The following TBCK variants were observed in gnomAD, a reference collection of about 807,000 sequenced individuals.
The protein encoded by TBCK is TBC1 domain containing kinase.
Under a neutral mutation model 113.4 loss-of-function variants are expected in TBCK, and 99 were observed. The observed-to-expected ratio is 0.87, with a 90% CI of 0.74 to 1.03. The LOEUF is 1.03. TBCK is among the 50% of genes least tolerant of loss of function. The pLI is 0.00. For missense variants in TBCK, 1,045 were observed against 1,061.3 expected (o/e 0.98, Z 0.21); for synonymous variants, 369 against 370.8 (o/e 1.00, Z 0.05).
intron 3 of TBCK, among the ~76,000 whole-genome samples, chr4:106,285,657 GAAAAT>G (rs2125805547): frequency 6.6e-6 from 1 of 152,102 alleles, no homozygotes; most frequent in Non-Finnish European, 1.5e-5. Flanking sequence ...CTTATGTTTA[GAAAAT>G]CAACTGCAAA....
chr4:106,078,290 G>A (rs1006630341), intron 25 of TBCK, among the ~76,000 whole-genome samples: 5 of 152,056 alleles, frequency 3.3e-5, no homozygotes, highest in African/African-American at 1.2e-4. Context: ...CAAAATCAGA[G>A]CTGAACTGAA....
chr4:106,195,664 C>T lies in TBCK; in HGVS notation c.1861-910G>A, dbSNP rs186878094. On this transcript the variant is annotated intron_variant, in intron 20 of 25. Transcript: ENST00000394708. ...GGAATGTGCCTCTTCTTTTCTACCT[C>T]ACTGCTTGAGCCGGAACATTTCATC... Among the ~76,000 whole-genome samples, 329 of 152,090 alleles carry T rather than the reference C, an allele frequency of 2.2e-3. 2 individuals carry two copies. The highest frequency in any genetic ancestry group is 6.9e-3 in the African/African-American group (288 of 41,546).
At chr4:106,275,955 C>A (rs1377733322) in intron 3 of TBCK, among the ~76,000 whole-genome samples, 1 of 151,898 alleles carries the variant, frequency 6.6e-6, no homozygotes, top group Non-Finnish European at 1.5e-5. Context: ...CCAAAAATAG[C>A]TAAAGCAATC....
At chr4:106,188,572 C>A (rs896493100) in intron 22 of TBCK, among the ~76,000 whole-genome samples, 2 of 152,048 alleles carry the variant, frequency 1.3e-5, no homozygotes, top group Admixed American at 1.3e-4. Flanking sequence ...AAACCAGAAA[C>A]CCTTATCAAC....
At chr4:106,062,636 G>GT (rs1736178437) in intron 25 of TBCK, among the ~76,000 whole-genome samples, 1 of 151,900 alleles carries the variant, frequency 6.6e-6, no homozygotes, top group African/African-American at 2.4e-5. Flanking sequence ...ACTATGGTTA[G>GT]TTTCTTATTC....
chr4:106,277,903 A>G (rs1169066771), intron 3 of TBCK, among the ~76,000 whole-genome samples: 1 of 152,230 alleles, frequency 6.6e-6, no homozygotes, highest in African/African-American at 2.4e-5. Flanking sequence ...AGTTGTATAC[A>G]TGCTAAACTA....
At chr4:106,300,667 G>C (rs1019413996) in intron 2 of TBCK, among the ~76,000 whole-genome samples, 3 of 152,180 alleles carry the variant, frequency 2.0e-5, no homozygotes, top group Non-Finnish European at 2.9e-5. Flanking sequence ...ATAGAATCCA[G>C]TCATTCAATC....
intron 24 of TBCK, among the ~76,000 whole-genome samples, chr4:106,105,279 GGCTGACTTC>G (rs1742010772): frequency 6.6e-6 from 1 of 152,174 alleles, no homozygotes; most frequent in Non-Finnish European, 1.5e-5. Context: ...CTCCATTTTG[GGCTGACTTC>G]GCTGAGTGAT....
chr4:106,207,537 C>T (rs147063886), intron 20 of TBCK, among the ~76,000 whole-genome samples: 2 of 152,278 alleles, frequency 1.3e-5, no homozygotes, highest in East Asian at 3.9e-4. Flanking sequence ...ATGCTATATA[C>T]ACAAACTAAT....
chr4:106,075,849 G>A (rs1307839230), intron 25 of TBCK, among the ~76,000 whole-genome samples: 1 of 152,162 alleles, frequency 6.6e-6, no homozygotes, highest in Non-Finnish European at 1.5e-5. Context: ...AGCACATACA[G>A]CATAAAAGTT....
chr4:106,120,042 C>T (rs1744069750), intron 23 of TBCK, among the ~76,000 whole-genome samples: 1 of 152,276 alleles, frequency 6.6e-6, no homozygotes, highest in South Asian at 2.1e-4. Flanking sequence ...TTCTGCATTT[C>T]CATCTGAGGT....
At chr4:106,298,840 C>T (rs975850424) in intron 2 of TBCK, among the ~76,000 whole-genome samples, 1 of 152,098 alleles carries the variant, frequency 6.6e-6, no homozygotes, top group Admixed American at 6.5e-5. Flanking sequence ...ATGGAAAAGG[C>T]ATTAAATTTG....
chr4:106,120,705 C>G (rs1214118508), intron 23 of TBCK, among the ~76,000 whole-genome samples: 3 of 152,216 alleles, frequency 2.0e-5, no homozygotes, highest in Admixed American at 6.5e-5. Context: ...AGCAGGGGCA[C>G]ACTGACACCT....
intron 19 of TBCK, among the ~76,000 whole-genome samples, chr4:106,216,950 T>C (rs1351352107): frequency 2.0e-5 from 3 of 152,118 alleles, no homozygotes; most frequent in South Asian, 2.1e-4. Context: ...TTGATGAACA[T>C]TGATGCAAAA....
rs572353272 is a variant in TBCK at position 106,120,331 on chromosome 4, G to A, written c.2236-3953C>T. Among the ~76,000 whole-genome samples, 754 of 152,100 alleles carry A rather than the reference G, an allele frequency of 5.0e-3. 4 individuals carry two copies. Among genetic ancestry groups the A allele is most frequent in the African/African-American group, 0.017 (726 of 41,494 alleles). ...GAGGGTCTTACGCCCACAGAGTCTC[G>A]CTGATTGCTAGCACAGCAGTCTGAG... On this transcript the variant is annotated intron_variant, in intron 23 of 25. Coordinates refer to ENST00000394708, the MANE Select transcript of TBCK (RefSeq NM_001163435.3).
rs1373355865 is a variant in TBCK at position 106,177,962 on chromosome 4, CATG to C, written c.2060-6695_2060-6693del. 5.9e-5 allele frequency among the ~76,000 whole-genome samples: 9 copies of C among 151,896 alleles called. No homozygotes were observed. In the South Asian group the frequency reaches 6.2e-4, roughly 11 times the overall value. ...TATTAATTCTTCTAATCTATAAGCACATGATATCTTTTCATTTTTTATTGCCCT... is the reference window on the plus strand; with the variant it reads ...TATTAATTCTTCTAATCTATAAGCACATATCTTTTCATTTTTTATTGCCCT... On this transcript the variant is annotated intron_variant, in intron 22 of 25. Transcript: ENST00000394708.
intron 3 of TBCK, 52 bp downstream of exon 3, chr4:106,295,042 T>C (rs373092561): frequency 2.0e-6 from 3 of 1,487,948 alleles, no homozygotes; most frequent in African/African-American, 2.8e-5. Flanking sequence ...AAAATGCCTT[T>C]TTGTTTGCCA....
At chr4:106,234,340 C>A (rs1264726192) in intron 15 of TBCK, among the ~76,000 whole-genome samples, 1 of 151,948 alleles carries the variant, frequency 6.6e-6, no homozygotes, top group East Asian at 1.9e-4. Context: ...TGTAAAGTAA[C>A]CAACTAAACT....
chr4:106,288,577 A>AC (rs1765353915), intron 3 of TBCK, among the ~76,000 whole-genome samples: 1 of 152,146 alleles, frequency 6.6e-6, no homozygotes. Context: ...TTCTTGAATT[A>AC]CCCCTTACTC....
Sources: gnomAD v4.1 joint callset for allele counts (sites outside exome capture counted in the v4.1 genomes callset) on GRCh38, gnomAD v4.1.1 for gene constraint, MANE v1.5 for transcripts, NCBI Gene and HGNC (gene_info 2026-07-23, HGNC 2026-07-21) for gene names.